Variants in OTUD3 observed in about 807,000 individuals in gnomAD.
The protein encoded by OTUD3 is OTU domain-containing protein 3.
A neutral mutation model predicts 46.2 loss-of-function variants in OTUD3; 24 were observed. That is an observed-to-expected ratio of 0.52 (90% CI 0.38 to 0.73). The LOEUF (loss-of-function observed/expected upper bound fraction) is 0.73, where lower values mean the gene tolerates loss of function less well. OTUD3 is among the 30% of genes least tolerant of loss of function. The pLI is 0.00. For missense variants in OTUD3, 455 were observed against 523.3 expected (o/e 0.87, Z 1.27); for synonymous variants, 189 against 195.4 (o/e 0.97, Z 0.27).
intron 1 of OTUD3, among the ~76,000 whole-genome samples, chr1:19,885,757 G>A (rs144050516): frequency 1.3e-5 from 2 of 152,250 alleles, no homozygotes; most frequent in East Asian, 3.9e-4. Context: ...CCTGGACAAC[G>A]GATTCTTTTA....
At chr1:19,895,951 A>G (rs1179064002) in intron 3 of OTUD3, among the ~76,000 whole-genome samples, 1 of 152,152 alleles carries the variant, frequency 6.6e-6, no homozygotes, top group African/African-American at 2.4e-5. Flanking sequence ...TTACCTAGGT[A>G]GTTGTGGAAG....
In OTUD3 at chr1:19,882,749, G is replaced by A; in HGVS notation, c.221+15G>A. ...CCGGGGGACGGGTGAGGCGGGCCGG[G>A]AGCGAGGGAGGCGGCGCCGGGGGAC... On this transcript the variant is annotated intron_variant, in intron 1 of 7. Transcript: ENST00000375120. 1 of 1,306,678 alleles carries A rather than the reference G, an allele frequency of 7.7e-7. No individual in the cohort carries two copies. Among genetic ancestry groups the A allele is most frequent in the Admixed American group, 4.1e-5 (1 of 24,484 alleles). 80.9% of individuals were successfully genotyped at this position (1,306,678 alleles called of 1,614,324 possible).
chr1:19,882,775 G>C, intron 1 of OTUD3, 41 bp downstream of exon 1: 2 of 1,269,856 alleles, frequency 1.6e-6, no homozygotes, highest in Admixed American at 4.2e-5. Flanking sequence ...GCCGGGGGAC[G>C]CGCCGGGCTC....
chr1:19,887,078 T>C (rs897250863), intron 1 of OTUD3, among the ~76,000 whole-genome samples: 18 of 133,608 alleles, frequency 1.3e-4, no homozygotes, highest in African/African-American at 5.1e-4. Flanking sequence ...TTCTTTTTCT[T>C]TTTCTTTTTT....
Position 19,894,496 on chromosome 1 carries a change from A to G in OTUD3, c.483+16A>G. 7.1e-7 allele frequency: 1 copy of G among 1,415,916 alleles called. No individual in the cohort carries two copies. Among genetic ancestry groups the G allele is most frequent in the East Asian group, 2.3e-5 (1 of 43,642 alleles). The allele number at this position is 1,415,916 out of a possible 1,614,324, so 87.7% of individuals were successfully genotyped here. On this transcript the variant is annotated intron_variant, in intron 3 of 7. Coordinates refer to ENST00000375120, the MANE Select transcript of OTUD3 (RefSeq NM_015207.2). ...TTTGTGGCAGGTAGGTCACCTATTT[A>G]AACATTTATCTTAAGCTCTTATTTC...
At chr1:19,898,750 A>G (rs1416476602) in intron 4 of OTUD3, among the ~76,000 whole-genome samples, 2 of 151,922 alleles carry the variant, frequency 1.3e-5, no homozygotes, top group African/African-American at 4.8e-5. Flanking sequence ...AAAAATTAGC[A>G]TTATTGCATA....
At chr1:19,901,669 A>G (rs2045592283) in intron 4 of OTUD3, among the ~76,000 whole-genome samples, 2 of 152,196 alleles carry the variant, frequency 1.3e-5, no homozygotes, top group South Asian at 2.1e-4. Flanking sequence ...TCCATTAAGC[A>G]GTGACTCCCA....
Position 19,909,150 on chromosome 1 carries a change from A to G in OTUD3, c.*1404A>G, listed in dbSNP as rs909276550. On this transcript the variant is annotated 3_prime_UTR_variant, in exon 8 of 8. Coordinates refer to ENST00000375120, the MANE Select transcript of OTUD3 (RefSeq NM_015207.2). ...ATTAGTTATCTTCCCCACCCCTCGC[A>G]TTTCAGAATTATAAAAATTCGGAGG... 4 of 152,318 alleles carry G rather than the reference A, an allele frequency of 2.6e-5. No individual in the cohort carries two copies. The highest frequency in any genetic ancestry group is 9.7e-5 in the African/African-American group (4 of 41,440). The allele number at this position is 152,318 out of a possible 1,614,324, so 9.4% of individuals were successfully genotyped here. A position where few individuals can be genotyped will look rare whatever the true frequency, so the allele number is the denominator to read the frequency against.
intron 4 of OTUD3, among the ~76,000 whole-genome samples, chr1:19,899,806 C>A (rs2045562375): frequency 6.6e-6 from 1 of 152,196 alleles, no homozygotes; most frequent in Non-Finnish European, 1.5e-5. Flanking sequence ...AAATTGTTTA[C>A]TTAACCTAGT....
chr1:19,904,443 C>T, intron 5 of OTUD3, 45 bp downstream of exon 5: 1 of 1,566,976 alleles, frequency 6.4e-7, no homozygotes, highest in Middle Eastern at 1.7e-4. Flanking sequence ...GCAAGCATTG[C>T]TGTGCCTAGC....
intron 6 of OTUD3, among the ~76,000 whole-genome samples, chr1:19,905,419 A>C (rs1017679061): frequency 2.0e-5 from 3 of 151,912 alleles, no homozygotes; most frequent in Non-Finnish European, 4.4e-5. Context: ...AATTTGAACC[A>C]AGTATAATTT....
At chr1:19,894,544 G>A (rs1168558305) in intron 3 of OTUD3, 64 bp downstream of exon 3, 24 of 964,718 alleles carry the variant, frequency 2.5e-5, no homozygotes, top group East Asian at 9.7e-5. Flanking sequence ...GGGAATATCC[G>A]AAGATGAGGG....
Position 19,882,685 on chromosome 1 carries a change from A to G in OTUD3, c.172A>G (p.Asn58Asp), listed in dbSNP as rs753480211. Reference protein sequence around the residue: ...GCEEEFVSFANQLQALGLKLR... With the variant: ...GCEEEFVSFADQLQALGLKLR... ...CGAGGAGGAGTTCGTCAGCTTCGCCAACCAGCTGCAGGCCCTGGGGCTGAA... is the reference window on the plus strand; with the variant it reads ...CGAGGAGGAGTTCGTCAGCTTCGCCGACCAGCTGCAGGCCCTGGGGCTGAA... The change falls in exon 1 of 8, where the codon AAC becomes GAC. Residue 58 changes from asparagine to aspartate, a missense_variant. Asn to Asp is a conservative substitution (Grantham distance 23, BLOSUM62 1). Coordinates refer to ENST00000375120, the MANE Select transcript of OTUD3 (RefSeq NM_015207.2). The G allele has an allele frequency of 4.7e-5, 68 of 1,455,780 alleles. No individual in the cohort carries two copies. The African/African-American group carries it at 9.1e-4, about 20-fold the overall frequency. 90.2% of individuals were successfully genotyped at this position (1,455,780 alleles called of 1,614,324 possible).
At chr1:19,901,942 C>A (rs1217703704) in intron 4 of OTUD3, among the ~76,000 whole-genome samples, 1 of 152,106 alleles carries the variant, frequency 6.6e-6, no homozygotes, top group Non-Finnish European at 1.5e-5. Context: ...TTGTTCCCAC[C>A]TTTTGGCTAT....
chr1:19,896,367 C>A (rs1284188790), intron 3 of OTUD3, among the ~76,000 whole-genome samples: 1 of 6,812 alleles, frequency 1.5e-4, no homozygotes, highest in Non-Finnish European at 6.1e-4. Flanking sequence ...GTTTTCTATT[C>A]ATAATATATA....
rs930103167 is a variant in OTUD3 at position 19,887,379 on chromosome 1, C to T, written c.222-3006C>T. ...GATTACAGGCATGAGCCACCGCACC[C>T]GGCTGATGATCTCTCATATTTTCTT... On this transcript the variant is annotated intron_variant, in intron 1 of 7. Transcript: ENST00000375120. 3.3e-5 allele frequency among the ~76,000 whole-genome samples: 5 copies of T among 152,212 alleles called. No individual in the cohort carries two copies. In the South Asian group the frequency reaches 6.2e-4, roughly 19 times the overall value.
At chr1:19,890,340 A>G (rs375530721) in intron 1 of OTUD3, 45 bp from the exon 2 acceptor site, 3 of 1,587,720 alleles carry the variant, frequency 1.9e-6, no homozygotes, top group Admixed American at 1.7e-5. Context: ...TAGACGAACT[A>G]AGTTCATTTT....
At chr1:19,906,650 G>T (rs2045665641) in intron 7 of OTUD3, 34 bp downstream of exon 7, 2 of 1,550,922 alleles carry the variant, frequency 1.3e-6, no homozygotes, top group Non-Finnish European at 1.8e-6. Context: ...GCAGGTGGTG[G>T]GCAGGTGTAA....
At chr1:19,886,496 G>A (rs1398810363) in intron 1 of OTUD3, among the ~76,000 whole-genome samples, 1 of 152,146 alleles carries the variant, frequency 6.6e-6, no homozygotes, top group Admixed American at 6.5e-5. Flanking sequence ...GTGGTTTTCA[G>A]TTGGGTGCCA....
Sources: gnomAD v4.1 joint callset for allele counts (sites outside exome capture counted in the v4.1 genomes callset) on GRCh38, gnomAD v4.1.1 for gene constraint, MANE v1.5 for transcripts, NCBI Gene and HGNC (gene_info 2026-07-23, HGNC 2026-07-21) for gene names.